Variants in ZNF468 observed in about 807,000 individuals in gnomAD.
ZNF468 encodes zinc finger protein ZNF468.
In ZNF468, 8 loss-of-function variants were observed where a neutral mutation model predicts 7.2. That is an observed-to-expected ratio of 1.11 (90% CI 0.65 to 2.01). ZNF468 has a LOEUF of 2.01. Ranked by LOEUF, ZNF468 falls within the 30% of genes most tolerant of loss-of-function variation. The pLI is 0.00. For missense variants in ZNF468, 608 were observed against 626.5 expected (o/e 0.97, Z 0.31); for synonymous variants, 218 against 214.4 (o/e 1.02, Z -0.15).
Position 52,838,458 on chromosome 19 carries a change from C to T in ZNF468, c.*2267G>A, listed in dbSNP as rs186461776. On this transcript the variant is annotated 3_prime_UTR_variant, in exon 4 of 4. Coordinates refer to ENST00000595646, the MANE Select transcript of ZNF468 (RefSeq NM_001008801.2). ...CTCACATGATGCAAGAATGCTCTCA[C>T]CCCTTCTATTCAATCAATACTGGCT... 1 of 152,256 alleles carries T rather than the reference C, an allele frequency of 6.6e-6. No homozygotes were observed. Among genetic ancestry groups the T allele is most frequent in the Admixed American group, 6.5e-5 (1 of 15,288 alleles). The allele number at this position is 152,256 out of a possible 1,614,324, so 9.4% of individuals were successfully genotyped here.
Position 52,841,691 on chromosome 19 carries a change from T to C in ZNF468, c.603A>G (p.Leu201=). The C allele has an allele frequency of 6.2e-7, 1 of 1,614,152 alleles. No homozygotes were observed. The highest frequency in any genetic ancestry group is 8.5e-7 in the Non-Finnish European group (1 of 1,180,026). ...KYGNNSLHSS[L]LTQKWEVHMR... is the part of the protein sequence containing the mutation. ...TGTGTACTTCCCATTTTTGTGTGAG[T>C]AATGAAGAATGGAGGGAATTATTTC... The change falls in exon 4 of 4, where the codon TTA becomes TTG. Residue 201 remains leucine, a synonymous_variant. Coordinates refer to ENST00000595646, the MANE Select transcript of ZNF468 (RefSeq NM_001008801.2).
chr19:52,845,677 C>A (rs2063336786), intron 3 of ZNF468, among the ~76,000 whole-genome samples: 1 of 151,632 alleles, frequency 6.6e-6, no homozygotes. Flanking sequence ...AACTAACTAA[C>A]TAACTAAATA....
rs754375946 is a variant in ZNF468, at chr19:52,842,158, A to C, written c.143-7T>G. On this transcript the variant is annotated splice_polypyrimidine_tract_variant and splice_region_variant and intron_variant, in intron 3 of 3. Transcript: ENST00000595646. ...ATGCATTTGGAAGAGATATCTACAAAATTTAAACACCAATAGGTTTCCAAT... is the reference window on the plus strand; with the variant it reads ...ATGCATTTGGAAGAGATATCTACAACATTTAAACACCAATAGGTTTCCAAT... The C allele has an allele frequency of 6.3e-7, 1 of 1,577,122 alleles. No individual in the cohort carries two copies. Among genetic ancestry groups the C allele is most frequent in the Non-Finnish European group, 8.6e-7 (1 of 1,160,796 alleles).
At chr19:52,851,894 ATG>A (rs1030050367) in intron 2 of ZNF468, among the ~76,000 whole-genome samples, 16 of 152,264 alleles carry the variant, frequency 1.1e-4, no homozygotes, top group South Asian at 4.1e-4. Context: ...TTCAAAATAT[ATG>A]TGTTTGTATA....
chr19:52,852,772 C>G (rs567219719), intron 2 of ZNF468, among the ~76,000 whole-genome samples: 1 of 151,982 alleles, frequency 6.6e-6, no homozygotes, highest in Non-Finnish European at 1.5e-5. Flanking sequence ...ACTCCAATGA[C>G]GTGAGTTTAC....
rs749892102 is a variant in ZNF468 at position 52,854,234 on chromosome 19, A to G, written c.15+24T>C. On this transcript the variant is annotated intron_variant, in intron 2 of 3. Coordinates refer to ENST00000595646, the MANE Select transcript of ZNF468 (RefSeq NM_001008801.2). Reference sequence around the variant, plus strand: ...GTATCTGAAAGGAAGGAGACAGAACAATCCACCGAGGATATCATCTCACCT... The same window carrying G: ...GTATCTGAAAGGAAGGAGACAGAACGATCCACCGAGGATATCATCTCACCT... 3.1e-6 allele frequency: 5 copies of G among 1,613,770 alleles called. No homozygotes were observed. In the South Asian group the frequency reaches 5.5e-5, roughly 18 times the overall value.
chr19:52,852,832 T>C (rs958809263), intron 2 of ZNF468, among the ~76,000 whole-genome samples: 11 of 149,872 alleles, frequency 7.3e-5, no homozygotes, highest in Admixed American at 1.3e-4. Context: ...TAAAAAAATA[T>C]ATAAAATTTT....
Position 52,840,719 on chromosome 19 carries a change from A to G in ZNF468, c.*6T>C. On this transcript the variant is annotated 3_prime_UTR_variant, in exon 4 of 4. Transcript: ENST00000595646. The stretch of plus-strand genomic sequence containing the variant: ...GATGGAAGGTCTTGCCACACTCATT[A>G]CACTATTAAGGCTTCTCTCCACTAT... The G allele has an allele frequency of 6.2e-7, 1 of 1,613,476 alleles. No homozygotes were observed.
At chr19:52,849,902 C>CAAAAT (rs1346588752) in intron 2 of ZNF468, among the ~76,000 whole-genome samples, 1 of 151,674 alleles carries the variant, frequency 6.6e-6, no homozygotes, top group African/African-American at 2.4e-5. Flanking sequence ...GACCCCGTCT[C>CAAAAT]AAAATAAAAT....
At chr19:52,843,329 G>C (rs562209675) in intron 3 of ZNF468, among the ~76,000 whole-genome samples, 1 of 151,984 alleles carries the variant, frequency 6.6e-6, no homozygotes, top group African/African-American at 2.4e-5. Flanking sequence ...CACCTCCTGG[G>C]TTCATGCTAG....
intron 2 of ZNF468, among the ~76,000 whole-genome samples, chr19:52,853,171 G>A: frequency 6.6e-6 from 1 of 151,928 alleles, no homozygotes; most frequent in East Asian, 1.9e-4. Context: ...TTTTTTTAAA[G>A]TCTCATAACG....
chr19:52,841,462 T>TG lies in ZNF468; in HGVS notation c.831dup (p.Lys278GlnfsTer6), dbSNP rs1329553425. 13 of 1,613,972 alleles carry TG rather than the reference T, an allele frequency of 8.1e-6. No homozygotes were observed. The highest frequency in any genetic ancestry group is 1.0e-5 in the Non-Finnish European group (12 of 1,179,984). ...AGGGATGAATTATGACCAAAGGTCT[T>TG]GCCACACTCATTACACTTGTAAGGT... On this transcript the variant is annotated frameshift_variant, in exon 4 of 4. Transcript: ENST00000595646. LOFTEE classifies it low-confidence loss of function (END_TRUNC).
At chr19:52,854,397 C>T in intron 1 of ZNF468, 52 bp from the exon 2 acceptor site, 1 of 1,523,418 alleles carries the variant, frequency 6.6e-7, no homozygotes, top group South Asian at 1.2e-5. Flanking sequence ...CACCCCCTCC[C>T]TTAACACAAT....
rs906053550 is a variant in ZNF468, at chr19:52,840,214, A to G, written c.*511T>C. On this transcript the variant is annotated 3_prime_UTR_variant, in exon 4 of 4. Coordinates refer to ENST00000595646, the MANE Select transcript of ZNF468 (RefSeq NM_001008801.2). ...CATTGTTCACGTTTGTAAGATTTCTATGCAGTATGAAGTCTATGATGACTT... is the reference window on the plus strand; with the variant it reads ...CATTGTTCACGTTTGTAAGATTTCTGTGCAGTATGAAGTCTATGATGACTT... 7.8e-6 allele frequency: 3 copies of G among 385,146 alleles called. No homozygotes were observed. The highest frequency in any genetic ancestry group is 1.5e-5 in the Non-Finnish European group (3 of 193,866). 23.9% of individuals were successfully genotyped at this position (385,146 alleles called of 1,614,324 possible). A position where few individuals can be genotyped will look rare whatever the true frequency, so the allele number is the denominator to read the frequency against.
intron 2 of ZNF468, among the ~76,000 whole-genome samples, chr19:52,850,632 G>C (rs1032600982): frequency 1.3e-5 from 2 of 152,156 alleles, no homozygotes; most frequent in Non-Finnish European, 2.9e-5. Context: ...GGGCGCGGTG[G>C]CTCACGCCTG....
intron 3 of ZNF468, among the ~76,000 whole-genome samples, chr19:52,843,429 C>A (rs1424331737): frequency 6.6e-6 from 1 of 151,984 alleles, no homozygotes; most frequent in Non-Finnish European, 1.5e-5. Flanking sequence ...AATCAGGTTT[C>A]ACCATGTTGG....
chr19:52,843,215 T>C (rs1300961342), intron 3 of ZNF468, among the ~76,000 whole-genome samples: 1 of 151,846 alleles, frequency 6.6e-6, no homozygotes, highest in African/African-American at 2.4e-5. Context: ...AGTTATGTTG[T>C]GACTTTTTAA....
At chr19:52,851,244 C>T (rs1049663262) in intron 2 of ZNF468, among the ~76,000 whole-genome samples, 14 of 151,836 alleles carry the variant, frequency 9.2e-5, no homozygotes, top group South Asian at 2.1e-4. Flanking sequence ...CCACTGCACT[C>T]CAGCCTGGGC....
At position 52,839,750 on chromosome 19, in the gene ZNF468, A is replaced by T. The variant is rs2147721018; in HGVS notation, c.*975T>A. 2.0e-6 allele frequency: 1 copy of T among 503,568 alleles called. No homozygotes were observed. Among genetic ancestry groups the T allele is most frequent in the Non-Finnish European group, 4.0e-6 (1 of 249,534 alleles). 31.2% of individuals were successfully genotyped at this position (503,568 alleles called of 1,614,324 possible). A position where few individuals can be genotyped will look rare whatever the true frequency, so the allele number is the denominator to read the frequency against. The stretch of plus-strand genomic sequence containing the variant: ...TCCTCCTATGTTTTGCATAGGATGA[A>T]GCTTGACTGAAGACCTTGCCTCAAT... On this transcript the variant is annotated 3_prime_UTR_variant, in exon 4 of 4. Transcript: ENST00000595646.
Sources: gnomAD v4.1 joint callset for allele counts (sites outside exome capture counted in the v4.1 genomes callset) on GRCh38, gnomAD v4.1.1 for gene constraint, MANE v1.5 for transcripts, NCBI Gene and HGNC (gene_info 2026-07-23, HGNC 2026-07-21) for gene names.